Variants in AR observed in about 807,000 individuals in gnomAD.
AR encodes androgen receptor.
In AR, 8 loss-of-function variants were observed where a neutral mutation model predicts 53.9. The ratio of observed to expected loss-of-function variants is 0.15; its 90% CI spans 0.09 to 0.27. AR has a LOEUF of 0.27. Among genes scored for constraint, AR ranks in the 10% least tolerant of loss-of-function variants. The pLI, the probability that AR is intolerant of heterozygous loss-of-function variation, is 1.00. For synonymous variants in AR, 359 were observed against 316.4 expected (o/e 1.13, Z -1.43); for missense variants, 639 against 742.5 (o/e 0.86, Z 1.62).
chrX:67,651,667 G>A (rs1399961295), intron 2 of AR, among the ~76,000 whole-genome samples: 1 of 111,663 alleles, frequency 9.0e-6, no homozygotes, highest in African/African-American at 3.3e-5. Context: ...AGTTAAGAAA[G>A]ATGTTAAGTA....
At chrX:67,661,527 C>T (rs1033282050) in intron 2 of AR, among the ~76,000 whole-genome samples, 12 of 111,489 alleles carry the variant, frequency 1.1e-4, no homozygotes, top group East Asian at 2.8e-4. Flanking sequence ...TATTGATTTG[C>T]GTATATTGAA....
chrX:67,660,802 G>A (rs1816566464), intron 2 of AR, among the ~76,000 whole-genome samples: 1 of 111,339 alleles, frequency 9.0e-6, no homozygotes, highest in Non-Finnish European at 1.9e-5. Context: ...AATTACCTTG[G>A]GCAGTATGGC....
intron 1 of AR, among the ~76,000 whole-genome samples, chrX:67,580,752 A>G (rs1385653718): frequency 9.0e-6 from 1 of 110,910 alleles, no homozygotes; most frequent in Non-Finnish European, 1.9e-5. Context: ...TGAAGTGCCT[A>G]TTCCAATTTG....
Position 67,718,926 on chromosome X carries a change from C to A in AR, c.2318+1304C>A, listed in dbSNP as rs770871567. Among the ~76,000 whole-genome samples, 3 of 111,764 alleles carry A rather than the reference C, an allele frequency of 2.7e-5. No homozygotes were observed. In the East Asian group the frequency reaches 8.5e-4, roughly 32 times the overall value. On this transcript the variant is annotated intron_variant, in intron 5 of 7. Coordinates refer to ENST00000374690, the MANE Select transcript of AR (RefSeq NM_000044.6). ...TTTTCTATGTCTGCTGTATGAGGTC[C>A]CTCGATGGCATTGTGAATGGAGCTG...
intron 2 of AR, among the ~76,000 whole-genome samples, chrX:67,655,351 A>G (rs1056973847): frequency 9.9e-5 from 11 of 110,995 alleles, no homozygotes; most frequent in African/African-American, 3.0e-4. Flanking sequence ...TTTTTTGCAT[A>G]GCTTCTTCTG....
chrX:67,571,809 T>C (rs1298495666), intron 1 of AR, among the ~76,000 whole-genome samples: 3 of 110,526 alleles, frequency 2.7e-5, no homozygotes, highest in Admixed American at 9.6e-5. Context: ...GTTAGAATTA[T>C]TGAATGTAAA....
At chrX:67,658,702 A>G (rs955254958) in intron 2 of AR, among the ~76,000 whole-genome samples, 4 of 112,054 alleles carry the variant, frequency 3.6e-5, no homozygotes, top group Non-Finnish European at 5.6e-5. Flanking sequence ...GTAGGGGTCA[A>G]GGCCAAAGGG....
At chrX:67,682,110 G>A (rs926786761) in intron 2 of AR, among the ~76,000 whole-genome samples, 10 of 111,299 alleles carry the variant, frequency 9.0e-5, no homozygotes, top group Non-Finnish European at 1.9e-4. Flanking sequence ...CAAGCCCACA[G>A]CTAACATTAT....
At chrX:67,607,100 G>A (rs920739293) in intron 1 of AR, among the ~76,000 whole-genome samples, 1 of 111,009 alleles carries the variant, frequency 9.0e-6, no homozygotes, top group African/African-American at 3.3e-5. Flanking sequence ...CACGAATTTG[G>A]CTCACCACAA....
intron 2 of AR, among the ~76,000 whole-genome samples, chrX:67,681,212 T>A (rs1028238189): frequency 9.0e-6 from 1 of 111,406 alleles, no homozygotes; most frequent in Non-Finnish European, 1.9e-5. Context: ...GTCAAACAAC[T>A]GGGTATAATG....
At chrX:67,708,982 C>T (rs2076081453) in intron 3 of AR, among the ~76,000 whole-genome samples, 1 of 111,750 alleles carries the variant, frequency 8.9e-6, no homozygotes, top group African/African-American at 3.3e-5. Flanking sequence ...AATGTTGCTG[C>T]CTACTCATTC....
intron 2 of AR, among the ~76,000 whole-genome samples, chrX:67,676,949 G>GT (rs1454221484): frequency 9.0e-6 from 1 of 110,762 alleles, no homozygotes; most frequent in Non-Finnish European, 1.9e-5. Flanking sequence ...CTTTTTCTTT[G>GT]TTTTTTTCTT....
intron 1 of AR, among the ~76,000 whole-genome samples, chrX:67,581,135 GCTAT>G (rs1209433552): frequency 8.1e-5 from 9 of 111,220 alleles, no homozygotes; most frequent in African/African-American, 2.9e-4. Context: ...TATAGCCAGT[GCTAT>G]CTGTCTCTTC....
At chrX:67,632,967 G>A (rs748329609) in intron 1 of AR, among the ~76,000 whole-genome samples, 11 of 111,625 alleles carry the variant, frequency 9.9e-5, no homozygotes, top group Middle Eastern at 4.6e-3. Flanking sequence ...TTGAGATACC[G>A]GTTTACACCT....
chrX:67,704,217 C>A (rs1175666976), intron 3 of AR, among the ~76,000 whole-genome samples: 1 of 112,022 alleles, frequency 8.9e-6, no homozygotes, highest in Non-Finnish European at 1.9e-5. Flanking sequence ...TGAGGAATCA[C>A]CACACTGACT....
At chrX:67,694,687 G>A in intron 3 of AR, 4 of 1,154,478 alleles carry the variant, frequency 3.5e-6, no homozygotes, top group Non-Finnish European at 4.6e-6. Context: ...ATTCCGGGTT[G>A]GCAATTGCAA....
At chrX:67,660,773 G>T (rs1926858818) in intron 2 of AR, among the ~76,000 whole-genome samples, 1 of 111,661 alleles carries the variant, frequency 9.0e-6, no homozygotes, top group African/African-American at 3.3e-5. Flanking sequence ...AGCTTGATGA[G>T]GATGGCATTG....
intron 2 of AR, among the ~76,000 whole-genome samples, chrX:67,660,694 C>G (rs1926854918): frequency 9.0e-6 from 1 of 111,512 alleles, no homozygotes; most frequent in African/African-American, 3.3e-5. Context: ...CTTGGCGATT[C>G]AGGCTCTTTT....
intron 1 of AR, among the ~76,000 whole-genome samples, chrX:67,617,814 C>T (rs1420218929): frequency 9.0e-6 from 1 of 111,540 alleles, no homozygotes; most frequent in African/African-American, 3.3e-5. Context: ...CTCCAGTATA[C>T]TAAGGCAGAT....
Sources: gnomAD v4.1 joint callset for allele counts (sites outside exome capture counted in the v4.1 genomes callset) on GRCh38, gnomAD v4.1.1 for gene constraint, MANE v1.5 for transcripts, NCBI Gene and HGNC (gene_info 2026-07-23, HGNC 2026-07-21) for gene names.